Variants in PRKG1 observed in about 807,000 individuals in gnomAD.
The protein encoded by PRKG1 is protein kinase cGMP-dependent 1.
PRKG1 carries 35 observed loss-of-function variants against 88.1 expected under a neutral mutation model. The ratio of observed to expected loss-of-function variants is 0.40; its 90% confidence interval spans 0.30 to 0.53. The LOEUF is 0.53. PRKG1 is among the 20% of genes least tolerant of loss of function. The pLI is 0.59. For missense variants in PRKG1, 540 were observed against 839.8 expected (o/e 0.64, Z 4.41); for synonymous variants, 303 against 292.5 (o/e 1.04, Z -0.37).
At chr10:51,629,502 C>T (rs565787930) in intron 3 of PRKG1, among the ~76,000 whole-genome samples, 8 of 151,736 alleles carry the variant, frequency 5.3e-5, no homozygotes, top group African/African-American at 1.9e-4. Context: ...TGCTTATGTC[C>T]AGTCTACACC....
chr10:51,167,743 T>C (rs766004692), intron 2 of PRKG1, among the ~76,000 whole-genome samples: 1 of 152,144 alleles, frequency 6.6e-6, no homozygotes, highest in Non-Finnish European at 1.5e-5. Context: ...GACTTGTATG[T>C]TTTTATGTAA....
At chr10:51,168,554 A>G (rs1846611738) in intron 2 of PRKG1, among the ~76,000 whole-genome samples, 1 of 152,170 alleles carries the variant, frequency 6.6e-6, no homozygotes, top group East Asian at 1.9e-4. Context: ...TAAGGTTTTC[A>G]CTAATATTTA....
intron 2 of PRKG1, among the ~76,000 whole-genome samples, chr10:51,359,457 TGC>T (rs35138033): frequency 1.4e-4 from 19 of 133,144 alleles, no homozygotes; most frequent in Non-Finnish European, 2.3e-4. Flanking sequence ...TGTGTGTGTG[TGC>T]GTGTGTGTGT....
intron 3 of PRKG1, among the ~76,000 whole-genome samples, chr10:51,661,751 A>G (rs1446730020): frequency 2.0e-5 from 3 of 152,202 alleles, no homozygotes; most frequent in Non-Finnish European, 4.4e-5. Context: ...AGGATTATAA[A>G]TCATGCTGCT....
At chr10:52,181,680 G>T (rs1261603241) in intron 9 of PRKG1, among the ~76,000 whole-genome samples, 3 of 87,346 alleles carry the variant, frequency 3.4e-5, no homozygotes, top group East Asian at 6.7e-4. Context: ...GAGAATATGC[G>T]GTGTTTGGTT....
chr10:52,004,309 G>A (rs1045378999), intron 5 of PRKG1, among the ~76,000 whole-genome samples: 5 of 152,074 alleles, frequency 3.3e-5, no homozygotes, highest in African/African-American at 1.2e-4. Flanking sequence ...AAAGAAGGAA[G>A]GCAAGAGTTA....
chr10:51,943,618 G>A (rs952177371), intron 5 of PRKG1, among the ~76,000 whole-genome samples: 5 of 152,006 alleles, frequency 3.3e-5, no homozygotes, highest in Admixed American at 6.5e-5. Flanking sequence ...ATTATTTTGA[G>A]ATATGTCCCA....
intron 7 of PRKG1, among the ~76,000 whole-genome samples, chr10:52,077,807 G>A (rs944956890): frequency 1.3e-5 from 2 of 152,054 alleles, no homozygotes; most frequent in African/African-American, 4.8e-5. Context: ...TTGGGTAAAT[G>A]GAATTAGATG....
intron 2 of PRKG1, among the ~76,000 whole-genome samples, chr10:51,324,256 C>G (rs938048457): frequency 9.2e-5 from 14 of 152,226 alleles, no homozygotes; most frequent in Admixed American, 9.2e-4. Context: ...CCCCATCCTT[C>G]CTTTCCTTCC....
chr10:51,936,393 A>G (rs1014849795), intron 5 of PRKG1, among the ~76,000 whole-genome samples: 1 of 152,094 alleles, frequency 6.6e-6, no homozygotes, highest in African/African-American at 2.4e-5. Context: ...CCACAAATGA[A>G]TAAAGTTAGT....
At chr10:51,611,475 G>GC (rs1386198239) in intron 3 of PRKG1, among the ~76,000 whole-genome samples, 1 of 68,276 alleles carries the variant, frequency 1.5e-5, no homozygotes, top group Non-Finnish European at 5.5e-5. Context: ...AAGATTATTT[G>GC]CCCTTTTTTA....
At position 51,753,519 on chromosome 10, in the gene PRKG1, G is replaced by T. The variant is rs187283179; in HGVS notation, c.593-51066G>T. Among the ~76,000 whole-genome samples, 536 of 152,124 alleles carry T rather than the reference G, an allele frequency of 3.5e-3. 3 individuals are homozygous for T. Among genetic ancestry groups the T allele is most frequent in the Middle Eastern group, 6.8e-3 (2 of 294 alleles). ...TTTTTTTAATTATATTGAATTTCTC[G>T]CAATACAATTAGTTTTCCTCAAAAT... On this transcript the variant is annotated intron_variant, in intron 3 of 17. Coordinates refer to ENST00000373980, the MANE Select transcript of PRKG1 (RefSeq NM_006258.4).
At chr10:52,016,589 A>T (rs1845046276) in intron 5 of PRKG1, among the ~76,000 whole-genome samples, 1 of 152,202 alleles carries the variant, frequency 6.6e-6, no homozygotes, top group East Asian at 1.9e-4. Flanking sequence ...TTGGGGAAAC[A>T]GCTGCTTTAT....
intron 5 of PRKG1, among the ~76,000 whole-genome samples, chr10:51,986,779 A>G (rs1045793230): frequency 9.2e-5 from 14 of 152,190 alleles, no homozygotes; most frequent in Admixed American, 9.2e-4. Context: ...AGATACTGGG[A>G]CTTGCCTGTT....
rs555350336 is a variant in PRKG1 at position 51,688,541 on chromosome 10, T to G, written c.593-116044T>G. 6.7e-5 allele frequency among the ~76,000 whole-genome samples: 10 copies of G among 150,338 alleles called. No individual in the cohort carries two copies. In the South Asian group the frequency reaches 2.1e-3, roughly 32 times the overall value. On this transcript the variant is annotated intron_variant, in intron 3 of 17. Transcript: ENST00000373980. Reference sequence around the variant, plus strand: ...AGGAAATTAAAGCATTGACCTGCTTTGTCTAAAATTGCCAGTAACAATCCT... The same window carrying G: ...AGGAAATTAAAGCATTGACCTGCTTGGTCTAAAATTGCCAGTAACAATCCT...
chr10:51,109,353 G>A (rs2131894362), intron 1 of PRKG1, among the ~76,000 whole-genome samples: 1 of 152,246 alleles, frequency 6.6e-6, no homozygotes, highest in African/African-American at 2.4e-5. Flanking sequence ...GCATAGCTGT[G>A]TGGTGTTGGC....
chr10:52,232,626 C>T (rs1246299929), intron 9 of PRKG1, among the ~76,000 whole-genome samples: 1 of 152,160 alleles, frequency 6.6e-6, no homozygotes, highest in Non-Finnish European at 1.5e-5. Flanking sequence ...AAGGTTGGTT[C>T]ATATTTTGTT....
chr10:51,398,106 G>C (rs958980672), intron 2 of PRKG1, among the ~76,000 whole-genome samples: 1 of 152,110 alleles, frequency 6.6e-6, no homozygotes, highest in Non-Finnish European at 1.5e-5. Flanking sequence ...TATTCACCCA[G>C]GGATCACAAA....
intron 7 of PRKG1, among the ~76,000 whole-genome samples, chr10:52,086,126 T>G (rs1846907031): frequency 6.6e-6 from 1 of 152,110 alleles, no homozygotes; most frequent in South Asian, 2.1e-4. Context: ...GTTTTGAATG[T>G]GTACTATGCT....
Sources: allele counts gnomAD v4.1 joint callset (sites outside exome capture counted in the v4.1 genomes callset), GRCh38; gene constraint gnomAD v4.1.1; transcripts MANE v1.5; gene names NCBI Gene and HGNC (gene_info 2026-07-23, HGNC 2026-07-21).